The following CBLN2 variants were observed in gnomAD, a reference collection of about 807,000 sequenced individuals.
CBLN2 encodes the protein cerebellin 2 precursor, also known as cerebellin-2.
CBLN2 carries 7 observed loss-of-function variants against 15.0 expected under a neutral mutation model. The ratio of observed to expected loss-of-function variants is 0.47; its 90% CI spans 0.27 to 0.88. CBLN2 has a LOEUF of 0.88. CBLN2 is among the 40% of genes least tolerant of loss of function. CBLN2 has a pLI of 0.14. For missense variants in CBLN2, 242 were observed against 304.5 expected (o/e 0.79, Z 1.53); for synonymous variants, 149 against 135.2 (o/e 1.10, Z -0.71).
At chr18:72,582,092 T>C (rs574018511) in intron 1 of CBLN2, among the ~76,000 whole-genome samples, 2 of 152,344 alleles carry the variant, frequency 1.3e-5, no homozygotes, top group East Asian at 3.9e-4. Flanking sequence ...ACTCTATTTT[T>C]TCCCTGTTCT....
rs188511097 is a variant in CBLN2, at chr18:72,575,707, G to A, written c.16-36935C>T. On this transcript the variant is annotated intron_variant, in intron 1 of 2. Transcript: ENST00000581073. ...GTCTCTGGAGAGGCTGAGGATGCAG[G>A]CGATTTTGTTGATGCTGGACTGGGA... 1.9e-3 allele frequency among the ~76,000 whole-genome samples: 293 copies of A among 152,284 alleles called. 5 individuals are homozygous for A. Among genetic ancestry groups the A allele is most frequent in the Admixed American group, 7.8e-3 (119 of 15,290 alleles).
chr18:72,620,574 A>T (rs1032909255), intron 1 of CBLN2: 2 of 152,108 alleles, frequency 1.3e-5, no homozygotes, highest in Admixed American at 6.5e-5. Context: ...TAGGCACAGG[A>T]TGAGGGGCAG....
intron 1 of CBLN2, among the ~76,000 whole-genome samples, chr18:72,568,281 C>A (rs966670231): frequency 6.6e-6 from 1 of 152,142 alleles, no homozygotes; most frequent in Non-Finnish European, 1.5e-5. Context: ...ATCCTTTAAC[C>A]TTCATAAAAC....
At position 72,542,276 on chromosome 18, in the gene CBLN2, G is replaced by T. The variant is rs1409092252; in HGVS notation, c.-116C>A. On this transcript the variant is annotated 5_prime_UTR_variant, in exon 3 of 5. Coordinates refer to ENST00000269503, the MANE Select transcript of CBLN2 (RefSeq NM_182511.4). ...CAGCCTCCGGGGGCCTTCGTCCCCG[G>T]CTCTGACGTTCAAGGCCAGGGTCGT... The T allele has an allele frequency of 3.5e-6, 2 of 572,162 alleles. No homozygotes were observed. The highest frequency in any genetic ancestry group is 4.8e-6 in the Non-Finnish European group (2 of 415,924). 35.4% of individuals were successfully genotyped at this position (572,162 alleles called of 1,614,324 possible).
intron 1 of CBLN2, among the ~76,000 whole-genome samples, chr18:72,585,727 C>T (rs140706489): frequency 5.6e-4 from 85 of 152,308 alleles, no homozygotes; most frequent in African/African-American, 2.0e-3. Flanking sequence ...TGCCATCAAC[C>T]TCCAGGGTGC....
intron 1 of CBLN2, among the ~76,000 whole-genome samples, chr18:72,618,055 T>C (rs2069674655): frequency 6.6e-6 from 1 of 152,218 alleles, no homozygotes; most frequent in Admixed American, 6.5e-5. Context: ...TTTATAAGAT[T>C]TTCAAGTAGA....
intron 1 of CBLN2, among the ~76,000 whole-genome samples, chr18:72,615,156 A>ATTTATAT (rs1568132464): frequency 7.4e-6 from 1 of 134,526 alleles, no homozygotes; most frequent in East Asian, 2.0e-4. Context: ...ATAAATATAG[A>ATTTATAT]AAATATATAT....
intron 1 of CBLN2, among the ~76,000 whole-genome samples, chr18:72,576,852 G>A (rs2069370528): frequency 6.7e-6 from 1 of 149,294 alleles, no homozygotes; most frequent in African/African-American, 2.4e-5. Flanking sequence ...GAAAATTAGT[G>A]ATAAATATAT....
rs1598985000 is a variant in CBLN2, at chr18:72,537,212, G to A, written c.*964C>T. On this transcript the variant is annotated 3_prime_UTR_variant, in exon 5 of 5. Transcript: ENST00000269503. ...AACTTATATGATTCAGGACCACTCA[G>A]GAACACCAGGTTCTTAAAGGATTCT... The A allele has an allele frequency of 6.6e-6, 1 of 151,964 alleles. No homozygotes were observed. Among genetic ancestry groups the A allele is most frequent in the African/African-American group, 2.4e-5 (1 of 41,386 alleles). 9.4% of individuals were successfully genotyped at this position (151,964 alleles called of 1,614,324 possible). A position where few individuals can be genotyped will look rare whatever the true frequency, so the allele number is the denominator to read the frequency against.
chr18:72,547,936 T>C (rs761950411), upstream of CBLN2, among the ~76,000 whole-genome samples: 4 of 152,234 alleles, frequency 2.6e-5, no homozygotes, highest in Admixed American at 1.3e-4. Flanking sequence ...TCCTTTAACA[T>C]CCGGCGATTG....
At chr18:72,602,936 C>CT (rs532471754) in intron 1 of CBLN2, among the ~76,000 whole-genome samples, 2 of 152,184 alleles carry the variant, frequency 1.3e-5, no homozygotes, top group Non-Finnish European at 2.9e-5. Context: ...CTGATTCCAC[C>CT]TTTTTGTTTT....
chr18:72,574,464 G>A (rs1464476520), intron 1 of CBLN2, among the ~76,000 whole-genome samples: 1 of 152,160 alleles, frequency 6.6e-6, no homozygotes, highest in Non-Finnish European at 1.5e-5. Flanking sequence ...GAAGGGGGCT[G>A]TGGCCGAGAA....
chr18:72,624,004 T>C (rs1350313033), intron 1 of CBLN2, among the ~76,000 whole-genome samples: 2 of 152,254 alleles, frequency 1.3e-5, no homozygotes, highest in South Asian at 4.1e-4. Flanking sequence ...TGCAAACCAG[T>C]TGAATTTTTT....
chr18:72,540,602 T>A (rs1026245427), intron 3 of CBLN2, among the ~76,000 whole-genome samples: 1 of 152,184 alleles, frequency 6.6e-6, no homozygotes, highest in Non-Finnish European at 1.5e-5. Context: ...TGCTGTCTCA[T>A]TTGGACATAA....
intron 1 of CBLN2, among the ~76,000 whole-genome samples, chr18:72,616,393 A>T (rs1187075996): frequency 6.6e-6 from 1 of 152,126 alleles, no homozygotes; most frequent in Non-Finnish European, 1.5e-5. Context: ...GGCTTGGGTC[A>T]TATAGGAACT....
intron 1 of CBLN2, among the ~76,000 whole-genome samples, chr18:72,613,033 G>C (rs1220107268): frequency 6.6e-6 from 1 of 152,180 alleles, no homozygotes; most frequent in Non-Finnish European, 1.5e-5. Flanking sequence ...GGAGCTCCTT[G>C]TTTTGGGGAA....
At chr18:72,562,398 T>C (rs185177572) in intron 1 of CBLN2, among the ~76,000 whole-genome samples, 153 of 152,292 alleles carry the variant, frequency 1.0e-3, no homozygotes, top group Non-Finnish European at 6.6e-4. Context: ...AATGAAATCA[T>C]ATAAGAAGAA....
chr18:72,586,575 C>T (rs2069444857), intron 1 of CBLN2, among the ~76,000 whole-genome samples: 2 of 152,178 alleles, frequency 1.3e-5, no homozygotes, highest in African/African-American at 4.8e-5. Context: ...TCTCTCATCT[C>T]ATTTTAATTC....
intron 1 of CBLN2, chr18:72,618,606 A>T (rs1375471148): frequency 1.7e-5 from 16 of 965,206 alleles, no homozygotes; most frequent in Non-Finnish European, 2.6e-5. Context: ...GCATTAAAGA[A>T]GACACTGAAG....
Sources: gnomAD v4.1 joint callset for allele counts (sites outside exome capture counted in the v4.1 genomes callset) on GRCh38, gnomAD v4.1.1 for gene constraint, MANE v1.5 for transcripts, NCBI Gene and HGNC (gene_info 2026-07-23, HGNC 2026-07-21) for gene names.